Variants in PKP4 observed in about 807,000 individuals in gnomAD.
The protein encoded by PKP4 is plakophilin-4.
A neutral mutation model predicts 145.1 loss-of-function variants in PKP4; 90 were observed. The observed-to-expected ratio is 0.62, with a 90% CI of 0.52 to 0.74. The LOEUF (loss-of-function observed/expected upper bound fraction) is 0.74, where lower values mean the gene tolerates loss of function less well. Ranked by LOEUF, PKP4 falls within the 30% of genes least tolerant of loss-of-function variation. The pLI, the probability that PKP4 is intolerant of heterozygous loss-of-function variation, is 0.00. For missense variants in PKP4, 1,340 were observed against 1,482.7 expected, an observed-to-expected ratio of 0.90 and a Z score of 1.58; for synonymous variants, 563 against 577.2, an observed-to-expected ratio of 0.98 and a Z score of 0.35.
intron 4 of PKP4, among the ~76,000 whole-genome samples, 157 bp downstream of exon 4, chr2:158,603,261 G>A (rs573940778): frequency 6.6e-6 from 1 of 152,162 alleles, no homozygotes; most frequent in African/African-American, 2.4e-5. Context: ...ATATGCTTAA[G>A]TTTTTAGTAT....
chr2:158,562,620 C>T (rs1292864640), intron 2 of PKP4, among the ~76,000 whole-genome samples: 3 of 152,092 alleles, frequency 2.0e-5, no homozygotes, highest in Admixed American at 6.5e-5. Context: ...TAAAGTGTTA[C>T]ATTTTGTTAG....
At chr2:158,661,095 G>A in intron 12 of PKP4, 1 of 345,746 alleles carries the variant, frequency 2.9e-6, no homozygotes, top group Non-Finnish European at 5.5e-6. Context: ...GAATTAGAAA[G>A]TGACACGTCA....
At chr2:158,516,423 G>T (rs953114018) in intron 1 of PKP4, among the ~76,000 whole-genome samples, 2 of 152,100 alleles carry the variant, frequency 1.3e-5, no homozygotes, top group African/African-American at 2.4e-5. Flanking sequence ...GAAGTTGTCC[G>T]TGGAGCACAC....
chr2:158,560,611 A>T (rs372534339), intron 2 of PKP4, among the ~76,000 whole-genome samples: 1 of 152,226 alleles, frequency 6.6e-6, no homozygotes, highest in Non-Finnish European at 1.5e-5. Flanking sequence ...TACTTAGGAA[A>T]TGAAAATATA....
intron 12 of PKP4, chr2:158,659,851 G>A (rs2056385039): frequency 6.6e-6 from 1 of 152,478 alleles, no homozygotes; most frequent in Non-Finnish European, 1.5e-5. Flanking sequence ...GAAACCATCA[G>A]AGTGTTCTAA....
chr2:158,679,633 C>G (rs1575164277), intron 21 of PKP4, among the ~76,000 whole-genome samples: 1 of 152,184 alleles, frequency 6.6e-6, no homozygotes, highest in African/African-American at 2.4e-5. Flanking sequence ...ATAACCATCA[C>G]AATTTGAAGA....
intron 1 of PKP4, among the ~76,000 whole-genome samples, chr2:158,519,186 T>G (rs968149454): frequency 2.6e-5 from 4 of 152,100 alleles, no homozygotes; most frequent in Non-Finnish European, 5.9e-5. Flanking sequence ...ATTATTTAGG[T>G]CACTCTTATG....
intron 1 of PKP4, among the ~76,000 whole-genome samples, chr2:158,469,288 C>T (rs1691183956): frequency 6.6e-6 from 1 of 151,960 alleles, no homozygotes; most frequent in Non-Finnish European, 1.5e-5. Context: ...TGAGGTTTTG[C>T]CATGTTGGTC....
intron 2 of PKP4, among the ~76,000 whole-genome samples, chr2:158,562,463 C>T (rs577680846): frequency 3.3e-5 from 5 of 152,238 alleles, no homozygotes; most frequent in African/African-American, 4.8e-5. Context: ...ACAGAAAGCA[C>T]AGTGGTGGTT....
chr2:158,547,546 G>A (rs536791509), intron 2 of PKP4, among the ~76,000 whole-genome samples: 6 of 152,314 alleles, frequency 3.9e-5, no homozygotes, highest in Non-Finnish European at 5.9e-5. Context: ...GCAATTTTGC[G>A]GGGTGGTGGC....
intron 4 of PKP4, among the ~76,000 whole-genome samples, chr2:158,610,007 A>G (rs1348204200): frequency 6.6e-6 from 1 of 152,204 alleles, no homozygotes; most frequent in Non-Finnish European, 1.5e-5. Flanking sequence ...TCTTCCCTAG[A>G]AGTAATAAAG....
At chr2:158,638,195 C>G (rs2053974490) in intron 9 of PKP4, among the ~76,000 whole-genome samples, 1 of 152,148 alleles carries the variant, frequency 6.6e-6, no homozygotes, top group Non-Finnish European at 1.5e-5. Flanking sequence ...AAAAGGAAAA[C>G]TATTTGTTAC....
At chr2:158,464,671 C>G (rs957319735) in intron 1 of PKP4, among the ~76,000 whole-genome samples, 1 of 152,136 alleles carries the variant, frequency 6.6e-6, no homozygotes, top group Non-Finnish European at 1.5e-5. Context: ...GCTGTTGTTC[C>G]CATACCTTCA....
At chr2:158,540,974 A>G (rs185312319) in intron 2 of PKP4, among the ~76,000 whole-genome samples, 143 of 152,206 alleles carry the variant, frequency 9.4e-4, no homozygotes, top group Non-Finnish European at 1.3e-3. Context: ...ATATGGAATA[A>G]TTTCCCCCTG....
At position 158,535,113 on chromosome 2, in the gene PKP4, A is replaced by G. The variant is rs1164943232; in HGVS notation, c.132+1797A>G. Among the ~76,000 whole-genome samples, 4 of 152,002 alleles carry G rather than the reference A, an allele frequency of 2.6e-5. No homozygotes were observed. The East Asian group carries it at 7.7e-4, about 29-fold the overall frequency. The stretch of plus-strand genomic sequence containing the variant: ...CCACATCTGTGTCTTTTTCCAAGAT[A>G]CTCTCCTGGTTTTAAATAGCTCCCC... On this transcript the variant is annotated intron_variant, in intron 2 of 21. Coordinates refer to ENST00000389759, the MANE Select transcript of PKP4 (RefSeq NM_003628.6).
chr2:158,543,725 A>C (rs1197650460), intron 2 of PKP4, among the ~76,000 whole-genome samples: 1 of 152,208 alleles, frequency 6.6e-6, no homozygotes, highest in Admixed American at 6.5e-5. Context: ...TTATTAAGTA[A>C]TGCAAAGGAT....
intron 2 of PKP4, among the ~76,000 whole-genome samples, chr2:158,551,291 A>T (rs1252379268): frequency 6.6e-6 from 1 of 152,242 alleles, no homozygotes; most frequent in Admixed American, 6.5e-5. Context: ...GTTAGAGAAA[A>T]AAACATTAAT....
intron 17 of PKP4, among the ~76,000 whole-genome samples, chr2:158,672,843 G>A (rs1194519565): frequency 1.1e-5 from 1 of 93,988 alleles, no homozygotes; most frequent in Non-Finnish European, 2.1e-5. Flanking sequence ...GTTTAATTGG[G>A]AAGATAACGG....
At chr2:158,634,369 T>G in intron 9 of PKP4, 80 bp downstream of exon 9, 1 of 1,019,392 alleles carries the variant, frequency 9.8e-7, no homozygotes, top group South Asian at 1.3e-5. Flanking sequence ...TTTTTTAAGT[T>G]GCTAAGTCTA....
Sources: gnomAD v4.1 joint callset for allele counts (sites outside exome capture counted in the v4.1 genomes callset) on GRCh38, gnomAD v4.1.1 for gene constraint, MANE v1.5 for transcripts, NCBI Gene and HGNC (gene_info 2026-07-23, HGNC 2026-07-21) for gene names.